The following TMEM266 variants were observed in gnomAD, a reference collection of about 807,000 sequenced individuals.
The protein encoded by TMEM266 is Hv1 related protein 1.
A neutral mutation model predicts 50.5 loss-of-function variants in TMEM266; 33 were observed. The ratio of observed to expected loss-of-function variants is 0.65; its 90% CI spans 0.50 to 0.87. The LOEUF (loss-of-function observed/expected upper bound fraction) is 0.87, where lower values mean the gene tolerates loss of function less well. Among genes scored for constraint, TMEM266 ranks in the 40% least tolerant of loss-of-function variants. The pLI is 0.00. For synonymous variants in TMEM266, 310 were observed against 292.3 expected (o/e 1.06, Z -0.62); for missense variants, 655 against 695.1 (o/e 0.94, Z 0.65).
At chr15:76,166,633 A>G (rs1402195261) in intron 5 of TMEM266, among the ~76,000 whole-genome samples, 1 of 152,130 alleles carries the variant, frequency 6.6e-6, no homozygotes, top group Non-Finnish European at 1.5e-5. Context: ...CTGCTGGCTG[A>G]GTCCCACCCT....
At chr15:76,104,536 G>A (rs2037052947) in intron 1 of TMEM266, among the ~76,000 whole-genome samples, 2 of 151,968 alleles carry the variant, frequency 1.3e-5, no homozygotes, top group Admixed American at 1.3e-4. Flanking sequence ...TAGAAGTTGG[G>A]GGCCCGGCGC....
At chr15:76,151,110 A>G (rs2037836353) in intron 3 of TMEM266, among the ~76,000 whole-genome samples, 1 of 152,166 alleles carries the variant, frequency 6.6e-6, no homozygotes, top group South Asian at 2.1e-4. Context: ...CCAAGACAGG[A>G]CATTGGGAAA....
intron 8 of TMEM266, among the ~76,000 whole-genome samples, chr15:76,190,789 T>C: frequency 6.6e-6 from 1 of 152,086 alleles, no homozygotes; most frequent in Non-Finnish European, 1.5e-5. Context: ...ACACCCCAGT[T>C]TGAGGGGTCA....
At chr15:76,162,721 G>A (rs917696735) in intron 5 of TMEM266, among the ~76,000 whole-genome samples, 3 of 152,240 alleles carry the variant, frequency 2.0e-5, no homozygotes, top group East Asian at 1.9e-4. Context: ...CTGGCAGGGT[G>A]GGCAGGGACC....
intron 3 of TMEM266, among the ~76,000 whole-genome samples, chr15:76,142,550 C>G (rs1411409143): frequency 3.3e-5 from 5 of 152,206 alleles, no homozygotes; most frequent in African/African-American, 1.2e-4. Context: ...TTCCACCTGA[C>G]AGTGCATGAG....
At chr15:76,119,698 T>C (rs1596116705) in intron 1 of TMEM266, among the ~76,000 whole-genome samples, 1 of 151,584 alleles carries the variant, frequency 6.6e-6, no homozygotes, top group East Asian at 1.9e-4. Context: ...ACCCAGGAGG[T>C]GGAGGCTTCA....
At chr15:76,087,217 AAG>A (rs1245939626) in intron 1 of TMEM266, among the ~76,000 whole-genome samples, 4 of 152,150 alleles carry the variant, frequency 2.6e-5, no homozygotes, top group Admixed American at 6.6e-5. Flanking sequence ...AGAAGGCTGA[AAG>A]AGGGGATTGA....
intron 8 of TMEM266, among the ~76,000 whole-genome samples, chr15:76,180,607 CTTTTTTTTTTTTTTT>C (rs59287886): frequency 1.6e-5 from 1 of 63,170 alleles, no homozygotes; most frequent in Non-Finnish European, 2.7e-5. Context: ...TCATCTTAAG[CTTTTTTTTTTTTTTT>C]TTTTTTTTTG....
intron 9 of TMEM266, among the ~76,000 whole-genome samples, chr15:76,199,278 G>C (rs770829626): frequency 6.6e-6 from 1 of 152,220 alleles, no homozygotes; most frequent in Non-Finnish European, 1.5e-5. Flanking sequence ...GGAGTTGTCC[G>C]GGGACGGTCG....
chr15:76,106,788 A>G (rs943600741), intron 1 of TMEM266, among the ~76,000 whole-genome samples: 2 of 152,212 alleles, frequency 1.3e-5, no homozygotes, highest in Admixed American at 6.5e-5. Flanking sequence ...GTGGAATGCT[A>G]GATCAAGCTA....
At chr15:76,166,178 T>C (rs968884143) in intron 5 of TMEM266, among the ~76,000 whole-genome samples, 18 of 151,960 alleles carry the variant, frequency 1.2e-4, no homozygotes, top group African/African-American at 3.9e-4. Context: ...GTTCTGTCCC[T>C]GCCTCCGTGG....
At chr15:76,067,327 C>A (rs1487605970) in intron 1 of TMEM266, among the ~76,000 whole-genome samples, 1 of 152,098 alleles carries the variant, frequency 6.6e-6, no homozygotes, top group African/African-American at 2.4e-5. Context: ...CTAGATGCAA[C>A]AGCACATTCT....
Position 76,156,588 on chromosome 15 carries a change from A to T in TMEM266, c.228-16A>T. 1 of 1,612,780 alleles carries T rather than the reference A, an allele frequency of 6.2e-7. No homozygotes were observed. Among genetic ancestry groups the T allele is most frequent in the Non-Finnish European group, 8.5e-7 (1 of 1,179,762 alleles). ...CCCACTCTGAGCCTCTCTTCTCCCC[A>T]CTTTTGTCCCCACAGGTCTAACTGG... On this transcript the variant is annotated splice_polypyrimidine_tract_variant and intron_variant, in intron 3 of 10. Transcript: ENST00000388942.
rs71140199 is a variant in TMEM266, at chr15:76,183,103, C to CT, written c.768+7459dup. Among the ~76,000 whole-genome samples the CT allele has an allele frequency of 9.7e-4, 43 of 44,168 alleles. 6 individuals are homozygous for CT. The highest frequency in any genetic ancestry group is 1.2e-3 in the Non-Finnish European group (32 of 26,174). The allele number at this position is 44,168 out of a possible 152,430, so 29.0% of individuals were successfully genotyped here. A position where few individuals can be genotyped will look rare whatever the true frequency, so the allele number is the denominator to read the frequency against. ...CCTCCAGGCTGCTTCCATTTTGTGGCTTTTTTTTTTTTTTTTTTTTTTTTT... is the reference window on the plus strand; with the variant it reads ...CCTCCAGGCTGCTTCCATTTTGTGGCTTTTTTTTTTTTTTTTTTTTTTTTTT... On this transcript the variant is annotated intron_variant, in intron 8 of 10. Coordinates refer to ENST00000388942, the MANE Select transcript of TMEM266 (RefSeq NM_152335.3).
rs967582396 is a variant in TMEM266, at chr15:76,139,264, T to C, written c.227+1369T>C. On this transcript the variant is annotated intron_variant, in intron 3 of 10. Transcript: ENST00000388942. This position sits in a 1 kb window ranked among gnomAD's most constrained non-coding sequence, Gnocchi z 4.1. ...TAACAATGGTGAAACCACACACCTT[T>C]TTTTGCAGAAACTACACCCCAGTGG... 1.3e-5 allele frequency among the ~76,000 whole-genome samples: 2 copies of C among 152,226 alleles called. No individual in the cohort carries two copies. Among genetic ancestry groups the C allele is most frequent in the Non-Finnish European group, 2.9e-5 (2 of 68,042 alleles).
intron 8 of TMEM266, among the ~76,000 whole-genome samples, chr15:76,178,353 G>A (rs2038331213): frequency 6.6e-6 from 1 of 152,140 alleles, no homozygotes; most frequent in Non-Finnish European, 1.5e-5. Context: ...AAAGTAAAGT[G>A]CAGGGTGTCA....
chr15:76,198,492 G>A (rs1019592182), intron 9 of TMEM266, among the ~76,000 whole-genome samples: 6 of 152,128 alleles, frequency 3.9e-5, no homozygotes, highest in South Asian at 2.1e-4. Flanking sequence ...CCACCCCTTC[G>A]CTCCCAGATC....
At chr15:76,196,141 T>C (rs1278203746) in intron 9 of TMEM266, among the ~76,000 whole-genome samples, 1 of 152,210 alleles carries the variant, frequency 6.6e-6, no homozygotes, top group Non-Finnish European at 1.5e-5. Context: ...AGGGGATATC[T>C]GGATAGGGCA....
chr15:76,199,570 T>C (rs1316581811), intron 9 of TMEM266, among the ~76,000 whole-genome samples: 2 of 152,150 alleles, frequency 1.3e-5, no homozygotes, highest in Non-Finnish European at 2.9e-5. Context: ...AAGCTCCACA[T>C]GAGTTGGCAG....
Sources: allele counts gnomAD v4.1 joint callset (sites outside exome capture counted in the v4.1 genomes callset), GRCh38; gene constraint gnomAD v4.1.1; non-coding constraint Gnocchi (gnomAD v3.1); transcripts MANE v1.5; gene names NCBI Gene and HGNC (gene_info 2026-07-23, HGNC 2026-07-21).